Variants in CNOT2 observed in about 807,000 individuals in gnomAD.
CNOT2 encodes the protein CCR4-NOT transcription complex subunit 2.
A neutral mutation model predicts 72.1 loss-of-function variants in CNOT2; 7 were observed. The ratio of observed to expected loss-of-function variants is 0.10; its 90% CI spans 0.06 to 0.18. The LOEUF (loss-of-function observed/expected upper bound fraction) is 0.18, where lower values mean the gene tolerates loss of function less well. CNOT2 is among the 10% of genes least tolerant of loss of function. The pLI, the probability that CNOT2 is intolerant of heterozygous loss-of-function variation, is 1.00. For synonymous variants in CNOT2, 196 were observed against 225.6 expected, an observed-to-expected ratio of 0.87 and a Z score of 1.17; for missense variants, 345 against 660.3, an observed-to-expected ratio of 0.52 and a Z score of 5.23.
intron 1 of CNOT2, among the ~76,000 whole-genome samples, chr12:70,266,930 A>T: frequency 6.6e-6 from 1 of 151,216 alleles, no homozygotes; most frequent in African/African-American, 2.4e-5. Context: ...ATTTAGATAA[A>T]CCCTTTGCTT....
At chr12:70,243,562 G>T (rs1344502803) in intron 1 of CNOT2, 82 bp downstream of exon 1, 1 of 152,472 alleles carries the variant, frequency 6.6e-6, no homozygotes, top group Non-Finnish European at 1.5e-5. Flanking sequence ...GCAAGGCGGG[G>T]GAATGCCCCG....
chr12:70,353,980 T>C lies in CNOT2; in HGVS notation c.*65T>C. ...GGGTATGGCTGTCTCAGCACAATAC[T>C]CAACATAACTGCAGAACTGATGTGG... On this transcript the variant is annotated 3_prime_UTR_variant, in exon 16 of 16. Transcript: ENST00000229195. 1 of 1,456,018 alleles carries C rather than the reference T, an allele frequency of 6.9e-7. No homozygotes were observed. Among genetic ancestry groups the C allele is most frequent in the Non-Finnish European group, 9.1e-7 (1 of 1,096,094 alleles). The allele number at this position is 1,456,018 out of a possible 1,614,324, so 90.2% of individuals were successfully genotyped here. A position where few individuals can be genotyped will look rare whatever the true frequency, so the allele number is the denominator to read the frequency against.
intron 1 of CNOT2, among the ~76,000 whole-genome samples, chr12:70,248,722 ATAT>A (rs966281007): frequency 6.6e-5 from 10 of 152,028 alleles, no homozygotes; most frequent in Non-Finnish European, 1.5e-4. Context: ...GATTTTAGGA[ATAT>A]TATGTCTTAA....
chr12:70,297,851 C>A, intron 2 of CNOT2: 1 of 248,626 alleles, frequency 4.0e-6, no homozygotes, highest in Non-Finnish European at 8.2e-6. Context: ...GATTCTCCTG[C>A]CTCGGCCTCC....
intron 11 of CNOT2, 117 bp from the exon 12 acceptor site, chr12:70,341,990 T>A (rs1183846966): frequency 1.3e-6 from 1 of 747,448 alleles, no homozygotes; most frequent in African/African-American, 1.7e-5. Context: ...TAAACCCAAG[T>A]AAGGGAATTA....
chr12:70,259,773 C>A (rs1451988455), intron 1 of CNOT2, among the ~76,000 whole-genome samples: 1 of 152,150 alleles, frequency 6.6e-6, no homozygotes, highest in Non-Finnish European at 1.5e-5. Flanking sequence ...ATATCCTCTT[C>A]CCCCAGTTTT....
rs147169325 is a variant in CNOT2 at position 70,298,308 on chromosome 12, T to G, written c.49-12587T>G. 2.4e-3 allele frequency among the ~76,000 whole-genome samples: 372 copies of G among 152,338 alleles called. 1 individual carries two copies. Among genetic ancestry groups the G allele is most frequent in the African/African-American group, 8.7e-3 (361 of 41,584 alleles). ...CTCCAATCGGCTTTTTATTTGCTCCTTACTGCTTTTCCCTTTACAAATTCA... is the reference window on the plus strand; with the variant it reads ...CTCCAATCGGCTTTTTATTTGCTCCGTACTGCTTTTCCCTTTACAAATTCA... On this transcript the variant is annotated intron_variant, in intron 2 of 15. Coordinates refer to ENST00000229195, the MANE Select transcript of CNOT2 (RefSeq NM_014515.7).
chr12:70,309,971 G>T (rs976688586), intron 2 of CNOT2, among the ~76,000 whole-genome samples: 1 of 151,992 alleles, frequency 6.6e-6, no homozygotes, highest in African/African-American at 2.4e-5. Context: ...ATAATGGATG[G>T]TTGTGTCTGT....
chr12:70,270,191 G>A (rs1959187440), intron 1 of CNOT2, among the ~76,000 whole-genome samples: 1 of 152,024 alleles, frequency 6.6e-6, no homozygotes, highest in Non-Finnish European at 1.5e-5. Flanking sequence ...GTAAATTTCT[G>A]TGTGAAATAA....
At chr12:70,319,548 C>G (rs985485458) in intron 4 of CNOT2, among the ~76,000 whole-genome samples, 184 bp downstream of exon 4, 2 of 151,626 alleles carry the variant, frequency 1.3e-5, no homozygotes, top group East Asian at 3.9e-4. Flanking sequence ...CTTATTGATC[C>G]TATGGTTGCT....
rs1315795412 is a variant in CNOT2 at position 70,286,675 on chromosome 12, A to G, written c.48+8401A>G. On this transcript the variant is annotated intron_variant, in intron 2 of 15. Transcript: ENST00000229195. ...TGTTAAATCTTCATGTCTGTCTGTC[A>G]ACCTTTTTCTTCATAAGAGTCTTGA... Among the ~76,000 whole-genome samples the G allele has an allele frequency of 4.0e-5, 6 of 149,916 alleles. 1 individual carries two copies.
chr12:70,289,495 T>G lies in CNOT2; in HGVS notation c.48+11221T>G, dbSNP rs552280657. Among the ~76,000 whole-genome samples the G allele has an allele frequency of 8.5e-5, 13 of 152,272 alleles. No homozygotes were observed. In the South Asian group the frequency reaches 2.7e-3, roughly 32 times the overall value. ...TTGAATTTGTATGTTTATACAAATT[T>G]AGGAATTTTTTTCATCCATTATTTA... On this transcript the variant is annotated intron_variant, in intron 2 of 15. Coordinates refer to ENST00000229195, the MANE Select transcript of CNOT2 (RefSeq NM_014515.7).
chr12:70,322,828 T>C (rs909247952), intron 4 of CNOT2: 2 of 151,796 alleles, frequency 1.3e-5, no homozygotes, highest in African/African-American at 4.8e-5. Context: ...ATGACATATT[T>C]TGGTTGCTTT....
chr12:70,343,739 G>T (rs1565834037), intron 13 of CNOT2, among the ~76,000 whole-genome samples: 1 of 152,080 alleles, frequency 6.6e-6, no homozygotes, highest in African/African-American at 2.4e-5. Context: ...AAATAACTAG[G>T]ACACAGTCAT....
At chr12:70,339,066 A>C (rs367824342) in intron 11 of CNOT2, among the ~76,000 whole-genome samples, 1 of 134,680 alleles carries the variant, frequency 7.4e-6, no homozygotes, top group Non-Finnish European at 1.5e-5. Context: ...GCATGTATAT[A>C]TGTGTGTGTG....
intron 5 of CNOT2, 191 bp downstream of exon 5, chr12:70,329,761 G>C (rs1879646453): frequency 3.7e-6 from 2 of 534,390 alleles, no homozygotes; most frequent in African/African-American, 1.9e-5. Flanking sequence ...TTATACTGCA[G>C]CTCGCATACT....
chr12:70,277,411 T>C (rs1028278352), intron 1 of CNOT2, among the ~76,000 whole-genome samples: 12 of 152,044 alleles, frequency 7.9e-5, no homozygotes, highest in African/African-American at 2.9e-4. Context: ...TGCAAGTCAT[T>C]TTGACTTATT....
intron 2 of CNOT2, chr12:70,294,241 C>T (rs957531690): frequency 7.8e-7 from 1 of 1,289,402 alleles, no homozygotes; most frequent in Non-Finnish European, 1.0e-6. Flanking sequence ...CTTCAGCCTC[C>T]AGCTCTGAGC....
intron 1 of CNOT2, among the ~76,000 whole-genome samples, chr12:70,261,082 T>C (rs1486202138): frequency 1.3e-4 from 20 of 151,956 alleles, no homozygotes; most frequent in Admixed American, 1.2e-3. Flanking sequence ...GTGCTTTTAT[T>C]ATGAAGGGCT....
Sources: gnomAD v4.1 joint callset for allele counts (sites outside exome capture counted in the v4.1 genomes callset) on GRCh38, gnomAD v4.1.1 for gene constraint, MANE v1.5 for transcripts, NCBI Gene and HGNC (gene_info 2026-07-23, HGNC 2026-07-21) for gene names.